Variants in STAG1 observed in about 807,000 individuals in gnomAD.
The protein encoded by STAG1 is STAG1 cohesin complex component, also known as cohesin subunit SA-1.
STAG1 carries 26 observed loss-of-function variants against 170.9 expected under a neutral mutation model. The ratio of observed to expected loss-of-function variants is 0.15; its 90% CI spans 0.11 to 0.21. The LOEUF is 0.21. Ranked by LOEUF, STAG1 falls within the 10% of genes least tolerant of loss-of-function variation. The pLI, the probability that STAG1 is intolerant of heterozygous loss-of-function variation, is 1.00. For synonymous variants in STAG1, 514 were observed against 497.7 expected (o/e 1.03, Z -0.44); for missense variants, 964 against 1,509.5 (o/e 0.64, Z 5.99).
At chr3:136,490,909 T>C (rs774822849) in intron 9 of STAG1, among the ~76,000 whole-genome samples, 50 of 152,222 alleles carry the variant, frequency 3.3e-4, no homozygotes, top group Admixed American at 6.5e-5. Context: ...GTTATTCTTT[T>C]ACCATTACTG....
At chr3:136,668,338 C>CATATATTATACATGAT (rs1392219444) in intron 1 of STAG1, among the ~76,000 whole-genome samples, 144 of 138,098 alleles carry the variant, frequency 1.0e-3, no homozygotes, top group African/African-American at 2.3e-3. Context: ...TGATATATAC[C>CATATATTATACATGAT]ATATATTATA....
intron 25 of STAG1, among the ~76,000 whole-genome samples, chr3:136,365,930 T>G (rs1350716810): frequency 6.6e-6 from 1 of 151,756 alleles, no homozygotes; most frequent in Non-Finnish European, 1.5e-5. Flanking sequence ...CAAGGGCTTG[T>G]CTTCCTTCCC....
intron 1 of STAG1, among the ~76,000 whole-genome samples, chr3:136,642,461 G>A (rs1042913965): frequency 3.3e-5 from 5 of 151,478 alleles, no homozygotes; most frequent in African/African-American, 4.8e-5. Flanking sequence ...TAGTGGAGAC[G>A]GGGTTTCACC....
rs1268367852 is a variant in STAG1 at position 136,498,227 on chromosome 3, T to TACAC, written c.902+1995_902+1996insGTGT. 4.7e-4 allele frequency among the ~76,000 whole-genome samples: 27 copies of TACAC among 57,876 alleles called. 3 individuals carry two copies. Among genetic ancestry groups the TACAC allele is most frequent in the African/African-American group, 2.2e-3 (25 of 11,148 alleles). The allele number at this position is 57,876 out of a possible 152,430, so 38.0% of individuals were successfully genotyped here. On this transcript the variant is annotated intron_variant, in intron 9 of 33. Transcript: ENST00000383202. ...AAAAAAAATTATATATATATATATA[T>TACAC]ATATATACACATACATATACATACA...
chr3:136,341,636 T>TTTAC (rs1935973776), intron 30 of STAG1, 85 bp from the exon 31 acceptor site: 1 of 836,974 alleles, frequency 1.2e-6, no homozygotes, highest in South Asian at 1.5e-5. Flanking sequence ...CCAAGGTAGG[T>TTTAC]TTACTTAATC....
intron 3 of STAG1, among the ~76,000 whole-genome samples, chr3:136,613,658 T>A (rs1234307336): frequency 3.3e-5 from 5 of 152,098 alleles, no homozygotes; most frequent in Admixed American, 3.3e-4. Context: ...AGGTAATTTT[T>A]TTATTTTTAG....
At chr3:136,425,706 A>C (rs116822035) in intron 16 of STAG1, among the ~76,000 whole-genome samples, 69 of 150,164 alleles carry the variant, frequency 4.6e-4, no homozygotes, top group Non-Finnish European at 9.2e-4. Context: ...GTATGTATGT[A>C]TGTTTATATA....
At chr3:136,739,325 T>C (rs1295166624) in intron 1 of STAG1, among the ~76,000 whole-genome samples, 3 of 151,876 alleles carry the variant, frequency 2.0e-5, no homozygotes, top group East Asian at 1.9e-4. Flanking sequence ...AAGACCAACC[T>C]TGGCAACATG....
At chr3:136,435,104 T>G (rs2088417327) in intron 15 of STAG1, among the ~76,000 whole-genome samples, 1 of 152,254 alleles carries the variant, frequency 6.6e-6, no homozygotes, top group Non-Finnish European at 1.5e-5. Flanking sequence ...TGTTATAACT[T>G]AATATGTAAC....
In STAG1 at chr3:136,675,527, GT is replaced by G. The variant is rs201477516; in HGVS notation, c.-83-44547del. 3.9e-3 allele frequency among the ~76,000 whole-genome samples: 594 copies of G among 152,238 alleles called. 2 individuals are homozygous for G. Among genetic ancestry groups the G allele is most frequent in the Middle Eastern group, 0.031 (9 of 294 alleles). On this transcript the variant is annotated intron_variant, in intron 1 of 33. Coordinates refer to ENST00000383202, the MANE Select transcript of STAG1 (RefSeq NM_005862.3). ...TTCAACCCTAACTGATAGAACCACT[GT>G]TATCATTTTTTTAAAGTTGAGATAT...
intron 24 of STAG1, 49 bp downstream of exon 24, chr3:136,369,059 G>A (rs1282772862): frequency 7.3e-7 from 1 of 1,376,210 alleles, no homozygotes. Context: ...CCTATCTTTT[G>A]GGGTTGGTAA....
At chr3:136,668,030 A>G (rs1941851485) in intron 1 of STAG1, among the ~76,000 whole-genome samples, 1 of 151,756 alleles carries the variant, frequency 6.6e-6, no homozygotes, top group South Asian at 2.1e-4. Context: ...TAACTGGCCA[A>G]TTGGTTCTCT....
intron 16 of STAG1, among the ~76,000 whole-genome samples, chr3:136,427,358 C>T (rs1239168926): frequency 2.0e-5 from 3 of 152,132 alleles, no homozygotes. Flanking sequence ...CAAGTATTCA[C>T]TAAAAAAGCC....
intron 1 of STAG1, among the ~76,000 whole-genome samples, chr3:136,666,258 CT>C (rs1160250436): frequency 6.6e-6 from 1 of 152,008 alleles, no homozygotes; most frequent in African/African-American, 2.4e-5. Flanking sequence ...TGATTCTCCC[CT>C]AGAGCCTCCT....
At chr3:136,371,581 C>T (rs1211976900) in intron 23 of STAG1, among the ~76,000 whole-genome samples, 1 of 152,170 alleles carries the variant, frequency 6.6e-6, no homozygotes, top group Non-Finnish European at 1.5e-5. Context: ...TATGGCTAGC[C>T]AGTTTTCCCA....
chr3:136,563,824 G>C (rs1936945205), intron 5 of STAG1, among the ~76,000 whole-genome samples: 1 of 151,966 alleles, frequency 6.6e-6, no homozygotes, highest in South Asian at 2.1e-4. Context: ...TTCAAGACCA[G>C]CCTGATCAAC....
chr3:136,454,025 T>A (rs1023619864), intron 13 of STAG1, among the ~76,000 whole-genome samples: 2 of 152,108 alleles, frequency 1.3e-5, no homozygotes. Context: ...GAAGGTTCTG[T>A]TTAATGGGTG....
At chr3:136,514,633 T>C (rs1934255150) in intron 7 of STAG1, among the ~76,000 whole-genome samples, 1 of 152,152 alleles carries the variant, frequency 6.6e-6, no homozygotes, top group African/African-American at 2.4e-5. Flanking sequence ...TGCGACAATA[T>C]TCACAATAGT....
At chr3:136,417,729 C>T in intron 21 of STAG1, 156 bp downstream of exon 21, 2 of 621,558 alleles carry the variant, frequency 3.2e-6, no homozygotes, top group South Asian at 3.9e-5. Context: ...ATACACCTAT[C>T]AATAACATTT....
Sources: gnomAD v4.1 joint callset for allele counts (sites outside exome capture counted in the v4.1 genomes callset) on GRCh38, gnomAD v4.1.1 for gene constraint, MANE v1.5 for transcripts, NCBI Gene and HGNC (gene_info 2026-07-23, HGNC 2026-07-21) for gene names.